FAM13A: variants seen among roughly 807,000 people sequenced by gnomAD.
The protein encoded by FAM13A is family with sequence similarity 13 member A.
In FAM13A, 76 loss-of-function variants were observed where a neutral mutation model predicts 129.6. That is an observed-to-expected ratio of 0.59 (90% CI 0.49 to 0.71). FAM13A has a LOEUF of 0.71. Among genes scored for constraint, FAM13A ranks in the 30% least tolerant of loss-of-function variants. The pLI, the probability that FAM13A is intolerant of heterozygous loss-of-function variation, is 0.00. For missense variants in FAM13A, 1,108 were observed against 1,249.3 expected, an observed-to-expected ratio of 0.89 and a Z score of 1.70; for synonymous variants, 443 against 449.9, an observed-to-expected ratio of 0.98 and a Z score of 0.20.
chr4:88,868,224 G>A lies in FAM13A; in HGVS notation c.844-17041C>T, dbSNP rs182465897. On this transcript the variant is annotated intron_variant, in intron 6 of 23. Transcript: ENST00000264344. ...ATGCTGGTCTTAGCACTTCATGAGC[G>A]GAGGCCCCAACATTATCTTAAAATC... Among the ~76,000 whole-genome samples the A allele has an allele frequency of 2.6e-4, 40 of 152,148 alleles. No individual in the cohort carries two copies. The East Asian group carries it at 5.6e-3, about 21-fold the overall frequency.
At chr4:88,980,919 GT>G (rs1761581455) in intron 4 of FAM13A, among the ~76,000 whole-genome samples, 1 of 152,108 alleles carries the variant, frequency 6.6e-6, no homozygotes, top group Non-Finnish European at 1.5e-5. Flanking sequence ...TTATTGTGTT[GT>G]TTTTCTGCAA....
intron 4 of FAM13A, chr4:88,989,615 G>A (rs887518749): frequency 6.6e-6 from 1 of 151,918 alleles, no homozygotes; most frequent in African/African-American, 2.4e-5. Flanking sequence ...GAACAAAACA[G>A]GTTAAATTGG....
At chr4:88,800,085 G>A (rs1195923393) in intron 8 of FAM13A, among the ~76,000 whole-genome samples, 1 of 152,158 alleles carries the variant, frequency 6.6e-6, no homozygotes, top group Admixed American at 6.5e-5. Context: ...ACTCATATGA[G>A]GTACCCGGAG....
At chr4:88,984,675 G>A (rs1015790134) in intron 4 of FAM13A, among the ~76,000 whole-genome samples, 11 of 152,118 alleles carry the variant, frequency 7.2e-5, no homozygotes, top group Non-Finnish European at 1.6e-4. Flanking sequence ...TGATGGGAAT[G>A]TACATGGCCA....
intron 8 of FAM13A, among the ~76,000 whole-genome samples, chr4:88,801,851 G>A (rs1051285958): frequency 1.9e-5 from 2 of 103,120 alleles, no homozygotes; most frequent in Non-Finnish European, 4.4e-5. Context: ...TGGTAGAGAT[G>A]AGGAGAAACA....
chr4:88,800,789 T>C (rs902293921), intron 8 of FAM13A, among the ~76,000 whole-genome samples: 2 of 151,578 alleles, frequency 1.3e-5, no homozygotes, highest in Non-Finnish European at 2.9e-5. Context: ...TCTAAAGACA[T>C]CCAGATACCT....
chr4:88,824,627 T>C (rs1297110765), intron 7 of FAM13A, among the ~76,000 whole-genome samples: 2 of 152,240 alleles, frequency 1.3e-5, no homozygotes, highest in Non-Finnish European at 2.9e-5. Flanking sequence ...TTTGATTTTC[T>C]AGTAACATAA....
intron 6 of FAM13A, among the ~76,000 whole-genome samples, chr4:88,895,697 A>C (rs1746176513): frequency 7.9e-6 from 1 of 126,352 alleles, no homozygotes; most frequent in East Asian, 2.2e-4. Flanking sequence ...CATCAGAGAA[A>C]TGCAAATCAA....
At chr4:88,752,436 G>A (rs1044692629) in intron 14 of FAM13A, among the ~76,000 whole-genome samples, 1 of 152,034 alleles carries the variant, frequency 6.6e-6, no homozygotes, top group Non-Finnish European at 1.5e-5. Context: ...AACTTTATAT[G>A]GAATGAAGTC....
intron 4 of FAM13A, among the ~76,000 whole-genome samples, chr4:88,978,833 T>TG (rs1298854641): frequency 9.2e-5 from 14 of 151,972 alleles, no homozygotes; most frequent in African/African-American, 3.4e-4. Flanking sequence ...CAACACAAAT[T>TG]GATATAAAGA....
At chr4:89,049,749 A>C (rs888488527) in intron 1 of FAM13A, among the ~76,000 whole-genome samples, 9 of 152,120 alleles carry the variant, frequency 5.9e-5, no homozygotes, top group South Asian at 2.1e-4. Flanking sequence ...TCCACCTCCC[A>C]GGTTCAAGTG....
In FAM13A at chr4:88,726,501, C is replaced by T. The variant is rs1298481312; in HGVS notation, c.*2032G>A. Reference sequence around the variant, plus strand: ...TTAGTAGCATCTCATTTATTTGTAGCTTAAAAAAAAATTCTGTAGCGTATT... The same window carrying T: ...TTAGTAGCATCTCATTTATTTGTAGTTTAAAAAAAAATTCTGTAGCGTATT... On this transcript the variant is annotated 3_prime_UTR_variant, in exon 24 of 24. Coordinates refer to ENST00000264344, the MANE Select transcript of FAM13A (RefSeq NM_014883.4). 6.6e-6 allele frequency: 1 copy of T among 152,312 alleles called. No homozygotes were observed. Among genetic ancestry groups the T allele is most frequent in the Non-Finnish European group, 1.5e-5 (1 of 67,960 alleles). 9.4% of individuals were successfully genotyped at this position (152,312 alleles called of 1,614,324 possible).
chr4:89,037,274 C>A (rs921636022), intron 1 of FAM13A, among the ~76,000 whole-genome samples: 6 of 152,224 alleles, frequency 3.9e-5, no homozygotes, highest in Non-Finnish European at 7.3e-5. Context: ...CACCTTGCAT[C>A]AGGGTGGCCT....
chr4:88,822,838 AG>A lies in FAM13A; in HGVS notation c.1008-17787del, dbSNP rs1394412377. On this transcript the variant is annotated intron_variant, in intron 7 of 23. Transcript: ENST00000264344. ...ATAATATTTAATTTTTTCTGTTCTTAGGGAGGAACCATATGTACAACGGACT... is the reference window on the plus strand; with the variant it reads ...ATAATATTTAATTTTTTCTGTTCTTAGGAGGAACCATATGTACAACGGACT... 5 of 1,197,526 alleles carry A rather than the reference AG, an allele frequency of 4.2e-6. No homozygotes were observed. The African/African-American group carries it at 6.2e-5, about 15-fold the overall frequency. 74.2% of individuals were successfully genotyped at this position (1,197,526 alleles called of 1,614,324 possible).
At chr4:88,737,008 T>G (rs115940437) in intron 21 of FAM13A, among the ~76,000 whole-genome samples, 2,196 of 152,328 alleles carry the variant, frequency 0.014, 50 homozygotes, top group African/African-American at 0.05. Flanking sequence ...CATTGTTTTA[T>G]ATGTTTATAT....
intron 8 of FAM13A, among the ~76,000 whole-genome samples, chr4:88,797,157 G>C (rs1049989300): frequency 6.6e-6 from 1 of 151,708 alleles, no homozygotes; most frequent in African/African-American, 2.4e-5. Context: ...AATTAGCTGG[G>C]CACACACTAT....
intron 10 of FAM13A, among the ~76,000 whole-genome samples, chr4:88,786,983 G>A (rs1724096929): frequency 6.6e-6 from 1 of 151,858 alleles, no homozygotes; most frequent in African/African-American, 2.4e-5. Flanking sequence ...ACCATAAAGA[G>A]GCTAAAGGCC....
At chr4:88,980,540 C>T (rs1422584962) in intron 4 of FAM13A, among the ~76,000 whole-genome samples, 1 of 151,912 alleles carries the variant, frequency 6.6e-6, no homozygotes, top group African/African-American at 2.4e-5. Flanking sequence ...TTCCAATCAC[C>T]CATTCTTTAA....
At chr4:89,045,297 T>A (rs1770706924) in intron 1 of FAM13A, among the ~76,000 whole-genome samples, 1 of 152,124 alleles carries the variant, frequency 6.6e-6, no homozygotes, top group Non-Finnish European at 1.5e-5. Flanking sequence ...CAGAAACTGT[T>A]CACCTCAGTA....
Sources: gnomAD v4.1 joint callset for allele counts (sites outside exome capture counted in the v4.1 genomes callset) on GRCh38, gnomAD v4.1.1 for gene constraint, MANE v1.5 for transcripts, NCBI Gene and HGNC (gene_info 2026-07-23, HGNC 2026-07-21) for gene names.